The following GEMIN8 variants were observed in gnomAD, a reference collection of about 807,000 sequenced individuals.
The protein encoded by GEMIN8 is gem-associated protein 8.
For synonymous variants in GEMIN8, 80 were observed against 78.5 expected, an observed-to-expected ratio of 1.02 and a Z score of -0.10; for missense variants, 185 against 205.9, an observed-to-expected ratio of 0.90 and a Z score of 0.62.
downstream of GEMIN8, among the ~76,000 whole-genome samples, chrX:14,004,514 T>C (rs1923075122): frequency 8.9e-6 from 1 of 112,246 alleles, no homozygotes; most frequent in African/African-American, 3.2e-5. Context: ...CAACCTATAC[T>C]CCCATAGCAA....
chrX:14,000,521 C>T, the GEMIN8 span, among the ~76,000 whole-genome samples: 22 of 109,535 alleles, frequency 2.0e-4, no homozygotes, highest in African/African-American at 7.0e-4. Context: ...GGCGTGAACC[C>T]GGGAGGCGGA....
intron 4 of GEMIN8, among the ~76,000 whole-genome samples, chrX:14,016,385 T>C (rs1261586802): frequency 8.9e-6 from 1 of 112,213 alleles, no homozygotes; most frequent in Admixed American, 9.5e-5. Flanking sequence ...CAAGCAAGAA[T>C]ATCCTTGAAA....
At chrX:14,022,011 G>A (rs188860686) in intron 2 of GEMIN8, among the ~76,000 whole-genome samples, 1 of 95,651 alleles carries the variant, frequency 1.0e-5, no homozygotes, top group African/African-American at 4.0e-5. Context: ...ATATATGTAT[G>A]TATACACATG....
At chrX:14,010,995 G>T (rs1923495010) in intron 4 of GEMIN8, among the ~76,000 whole-genome samples, 1 of 112,152 alleles carries the variant, frequency 8.9e-6, no homozygotes, top group South Asian at 3.7e-4. Context: ...TTGGAGTGGC[G>T]TGGGAGTGGA....
chrX:14,021,464 C>T lies in GEMIN8; in HGVS notation c.15G>A (p.Lys5=). The T allele has an allele frequency of 9.1e-7, 1 of 1,103,870 alleles. No individual in the cohort carries two copies. Among genetic ancestry groups the T allele is most frequent in the Non-Finnish European group, 1.2e-6 (1 of 800,563 alleles). The allele number at this position is 1,103,870 out of a possible 1,213,427, so 91.0% of individuals were successfully genotyped here. The change falls in exon 3 of 5, where the codon AAG becomes AAA. Residue 5 remains lysine (K), a splice_region_variant and synonymous_variant. Transcript: ENST00000680255. ...AAAAATAAAAAAATAAAAATCTTAC[C>T]TTTACCGCTGCCATCTCTGATTGTG... The part of the protein sequence containing the change: MAAV[K]ASTSKATRPW...
chrX:14,008,766 C>T lies in GEMIN8; in HGVS notation c.*147G>A, dbSNP rs929926563. On this transcript the variant is annotated 3_prime_UTR_variant, in exon 5 of 5. Transcript: ENST00000680255. ...CTCCAAGTGGCTGGCATAGTACATCCACCCCGTGACAGGCCCACTGGGACT... is the reference window on the plus strand; with the variant it reads ...CTCCAAGTGGCTGGCATAGTACATCTACCCCGTGACAGGCCCACTGGGACT... 1 of 549,309 alleles carries T rather than the reference C, an allele frequency of 1.8e-6. No homozygotes were observed. Among genetic ancestry groups the T allele is most frequent in the South Asian group, 2.9e-5 (1 of 34,355 alleles). The allele number at this position is 549,309 out of a possible 1,213,427, so 45.3% of individuals were successfully genotyped here.
intron 4 of GEMIN8, 48 bp from the exon 5 acceptor site, chrX:14,009,217 C>T: frequency 8.5e-7 from 1 of 1,170,274 alleles, no homozygotes; most frequent in South Asian, 1.9e-5. Flanking sequence ...CACGTGTGTG[C>T]ACTGCAGAAG....
chrX:14,009,045 G>A lies in GEMIN8; in HGVS notation c.597C>T (p.Ala199=). Residue 199 remains alanine, a synonymous_variant, in exon 5 of 5, where the codon GCC becomes GCT. Transcript: ENST00000680255. ...TGTCCCCGTACAAACGCTTCATCTC[G>A]GCCTGGCGCCGCTCACCAGGCCTCT... ...PTERPGERRQ[A]EMKRLYGDSA... is the part of the protein sequence containing the mutation. The A allele has an allele frequency of 2.5e-6, 3 of 1,211,908 alleles. No individual in the cohort carries two copies. The highest frequency in any genetic ancestry group is 1.8e-5 in the South Asian group (1 of 57,006).
chrX:13,998,322 C>T, the GEMIN8 span, among the ~76,000 whole-genome samples: 2 of 110,251 alleles, frequency 1.8e-5, no homozygotes. Context: ...AATTGCAATC[C>T]CCACGTCAAG....
chrX:13,994,223 C>T, the GEMIN8 span, among the ~76,000 whole-genome samples: 869 of 112,060 alleles, frequency 7.8e-3, 7 homozygotes, highest in African/African-American at 0.027. Flanking sequence ...CGCAAGCTGG[C>T]AGACGGATCT....
downstream of GEMIN8, among the ~76,000 whole-genome samples, chrX:14,002,845 ACCCAAATAG>A (rs1165523195): frequency 9.0e-6 from 1 of 111,705 alleles, no homozygotes; most frequent in Non-Finnish European, 1.9e-5. Flanking sequence ...TGAGTTCCAA[ACCCAAATAG>A]CCAGTGAGTG....
chrX:13,997,097 A>T, the GEMIN8 span, among the ~76,000 whole-genome samples: 1 of 109,358 alleles, frequency 9.1e-6, no homozygotes, highest in Non-Finnish European at 1.9e-5. Flanking sequence ...GTGCGTCACC[A>T]CGCCCAGCTA....
intron 1 of GEMIN8, among the ~76,000 whole-genome samples, chrX:14,028,046 A>T (rs1048095804): frequency 3.6e-5 from 4 of 112,141 alleles, no homozygotes; most frequent in African/African-American, 1.3e-4. Flanking sequence ...TCGCTAGTAC[A>T]TTTCAGGCGT....
intron 4 of GEMIN8, chrX:14,013,981 T>C: frequency 5.7e-6 from 4 of 705,992 alleles, no homozygotes; most frequent in Non-Finnish European, 6.7e-6. Flanking sequence ...TCTATTTGTC[T>C]ACATGATGTG....
chrX:14,013,906 A>T (rs754177994), intron 4 of GEMIN8: 3 of 700,741 alleles, frequency 4.3e-6, no homozygotes, highest in Non-Finnish European at 5.1e-6. Flanking sequence ...ATGTATTATT[A>T]AGGAAAAGCT....
rs770688562 is a variant in GEMIN8, at chrX:14,008,925, G to C, written c.717C>G (p.Pro239=). The change falls in exon 5 of 5, where the codon CCC becomes CCG. Residue 239 remains proline, a synonymous_variant. Coordinates refer to ENST00000680255, the MANE Select transcript of GEMIN8 (RefSeq NM_001042479.2). ...RKQPKYWPVI[P]LKF ...CTGTGCCCTGAGCTCAGAACTTCAG[G>C]GGGATGACCGGCCAGTACTTGGGCT... The C allele has an allele frequency of 8.3e-7, 1 of 1,210,785 alleles. No individual in the cohort carries two copies. Among genetic ancestry groups the C allele is most frequent in the Non-Finnish European group, 1.1e-6 (1 of 894,558 alleles).
the GEMIN8 span, among the ~76,000 whole-genome samples, chrX:14,001,573 T>C: frequency 9.0e-6 from 1 of 111,083 alleles, no homozygotes; most frequent in Non-Finnish European, 1.9e-5. Context: ...CAGGCTAGAG[T>C]GCAGTGGCGC....
the GEMIN8 span, among the ~76,000 whole-genome samples, chrX:13,988,434 G>T: frequency 9.1e-6 from 1 of 109,636 alleles, no homozygotes; most frequent in East Asian, 2.9e-4. Context: ...TATTTTCACC[G>T]TTTCCAGATC....
intron 1 of GEMIN8, among the ~76,000 whole-genome samples, chrX:14,028,975 A>C (rs937615100): frequency 1.8e-5 from 2 of 112,326 alleles, no homozygotes; most frequent in Admixed American, 1.9e-4. Flanking sequence ...TTTTTTAAGT[A>C]ATATTGTTCT....
Sources: gnomAD v4.1 joint callset for allele counts (sites outside exome capture counted in the v4.1 genomes callset) on GRCh38, gnomAD v4.1.1 for gene constraint, MANE v1.5 for transcripts, NCBI Gene and HGNC (gene_info 2026-07-23, HGNC 2026-07-21) for gene names.